The following TASP1 variants were observed in gnomAD, a reference collection of about 807,000 sequenced individuals.
The protein encoded by TASP1 is taspase 1.
In TASP1, 16 loss-of-function variants were observed where a neutral mutation model predicts 56.6. That is an observed-to-expected ratio of 0.28 (90% CI 0.19 to 0.43). The LOEUF is 0.43. TASP1 is among the 20% of genes least tolerant of loss of function. The pLI, the probability that TASP1 is intolerant of heterozygous loss-of-function variation, is 1.00. For missense variants in TASP1, 393 were observed against 511.6 expected (o/e 0.77, Z 2.24); for synonymous variants, 179 against 184.2 (o/e 0.97, Z 0.23).
the TASP1 span, among the ~76,000 whole-genome samples, chr20:13,282,407 C>G: frequency 1.3e-5 from 2 of 152,176 alleles, no homozygotes; most frequent in Admixed American, 1.3e-4. Flanking sequence ...GTTTGAAGAC[C>G]ACCACTAGAA....
At chr20:13,488,808 T>C (rs1025262308) in intron 10 of TASP1, among the ~76,000 whole-genome samples, 3 of 152,072 alleles carry the variant, frequency 2.0e-5, no homozygotes. Context: ...ATTCCCTCCA[T>C]CTCACCAAAA....
chr20:13,124,107 T>C, the TASP1 span, among the ~76,000 whole-genome samples: 3 of 152,178 alleles, frequency 2.0e-5, no homozygotes, highest in Admixed American at 1.3e-4. Context: ...TCTTCAGATA[T>C]GGGGAAAACC....
chr20:13,586,411 A>T (rs1220962419), intron 5 of TASP1, among the ~76,000 whole-genome samples: 1 of 152,176 alleles, frequency 6.6e-6, no homozygotes, highest in Non-Finnish European at 1.5e-5. Context: ...ACATTAAGCA[A>T]AAGAAAACAG....
At chr20:13,449,787 T>C (rs545461840) in intron 11 of TASP1, among the ~76,000 whole-genome samples, 1 of 152,138 alleles carries the variant, frequency 6.6e-6, no homozygotes, top group Non-Finnish European at 1.5e-5. Flanking sequence ...TTGTGAACTT[T>C]AGATGAAACT....
the TASP1 span, among the ~76,000 whole-genome samples, chr20:13,198,812 T>G: frequency 2.0e-4 from 26 of 128,334 alleles, no homozygotes; most frequent in East Asian, 4.3e-4. Context: ...CTTTCTTTCT[T>G]TCTTTCTTTC....
chr20:13,420,047 A>T (rs914678536), intron 12 of TASP1, among the ~76,000 whole-genome samples: 1 of 152,216 alleles, frequency 6.6e-6, no homozygotes, highest in African/African-American at 2.4e-5. Flanking sequence ...TCAAATACAA[A>T]GTTAAAGCAT....
intron 10 of TASP1, among the ~76,000 whole-genome samples, chr20:13,510,424 A>T (rs915392248): frequency 1.3e-5 from 2 of 152,224 alleles, no homozygotes; most frequent in Admixed American, 1.3e-4. Flanking sequence ...TGAAATGAAG[A>T]TATAAACAAA....
At chr20:13,121,423 G>T in the TASP1 span, among the ~76,000 whole-genome samples, 4 of 152,160 alleles carry the variant, frequency 2.6e-5, no homozygotes, top group Non-Finnish European at 4.4e-5. Flanking sequence ...GTAAGCAGGG[G>T]TCAGGGAGTG....
chr20:13,335,969 G>A, the TASP1 span, among the ~76,000 whole-genome samples: 2 of 152,118 alleles, frequency 1.3e-5, no homozygotes, highest in African/African-American at 4.8e-5. Context: ...CAAACTGAAA[G>A]AGTTCTCTGA....
the TASP1 span, among the ~76,000 whole-genome samples, chr20:13,248,731 A>T: frequency 1.3e-5 from 2 of 152,222 alleles, no homozygotes; most frequent in Non-Finnish European, 2.9e-5. Flanking sequence ...ATGGCATATG[A>T]TGACTTTTGA....
the TASP1 span, among the ~76,000 whole-genome samples, chr20:13,170,164 T>G: frequency 6.6e-6 from 1 of 152,168 alleles, no homozygotes; most frequent in East Asian, 1.9e-4. Flanking sequence ...CAAGTACTCT[T>G]GTAGAGATTA....
At chr20:13,211,977 C>T in the TASP1 span, among the ~76,000 whole-genome samples, 3 of 152,162 alleles carry the variant, frequency 2.0e-5, no homozygotes, top group Non-Finnish European at 4.4e-5. Flanking sequence ...TGCTGACCCT[C>T]ACTCTAGTCC....
At chr20:13,592,130 G>A (rs892852635) in intron 4 of TASP1, among the ~76,000 whole-genome samples, 5 of 152,092 alleles carry the variant, frequency 3.3e-5, no homozygotes, top group African/African-American at 1.2e-4. Flanking sequence ...TGGGCACAGT[G>A]GCGCACACCT....
chr20:13,143,582 G>A, the TASP1 span, among the ~76,000 whole-genome samples: 2 of 152,174 alleles, frequency 1.3e-5, no homozygotes, highest in African/African-American at 4.8e-5. Flanking sequence ...TGGCTGAGAA[G>A]TCATTGTCCT....
the TASP1 span, among the ~76,000 whole-genome samples, chr20:13,360,117 A>G: frequency 2.0e-5 from 3 of 151,972 alleles, no homozygotes; most frequent in African/African-American, 2.4e-5. Flanking sequence ...TGTTTTGCCT[A>G]TCCACCCCGT....
At chr20:13,601,318 T>C (rs1046695579) in intron 4 of TASP1, among the ~76,000 whole-genome samples, 1 of 151,422 alleles carries the variant, frequency 6.6e-6, no homozygotes, top group African/African-American at 2.4e-5. Flanking sequence ...CATCTTATAC[T>C]ACCAGAAAGG....
chr20:13,192,913 T>C, the TASP1 span, among the ~76,000 whole-genome samples: 2 of 152,056 alleles, frequency 1.3e-5, no homozygotes, highest in Admixed American at 1.3e-4. Flanking sequence ...TTATAGCATA[T>C]GGTTAAGTAA....
chr20:13,423,801 T>C (rs1394236519), intron 12 of TASP1, among the ~76,000 whole-genome samples: 2 of 152,172 alleles, frequency 1.3e-5, no homozygotes, highest in African/African-American at 4.8e-5. Context: ...TCTAAAAATC[T>C]TGATTACCCT....
At chr20:13,191,651 G>A in the TASP1 span, among the ~76,000 whole-genome samples, 6 of 152,134 alleles carry the variant, frequency 3.9e-5, no homozygotes, top group Admixed American at 1.3e-4. Flanking sequence ...TTAGATGAGA[G>A]GAATAAGTTC....
Sources: allele counts gnomAD v4.1 joint callset (sites outside exome capture counted in the v4.1 genomes callset), GRCh38; gene constraint gnomAD v4.1.1; transcripts MANE v1.5; gene names NCBI Gene and HGNC (gene_info 2026-07-23, HGNC 2026-07-21).